The following SMG6 variants were observed in gnomAD, a reference collection of about 807,000 sequenced individuals.
SMG6 encodes telomerase-binding protein EST1A.
SMG6 carries 66 observed loss-of-function variants against 142.2 expected under a neutral mutation model. The observed-to-expected ratio is 0.46, with a 90% CI of 0.38 to 0.57. The LOEUF (loss-of-function observed/expected upper bound fraction) is 0.57. Ranked by LOEUF, SMG6 falls within the 20% of genes least tolerant of loss-of-function variation. The pLI, the probability that SMG6 is intolerant of heterozygous loss-of-function variation, is 0.00. For missense variants in SMG6, 1,793 were observed against 1,832.0 expected (o/e 0.98, Z 0.39); for synonymous variants, 779 against 702.4 (o/e 1.11, Z -1.72).
Position 2,085,464 on chromosome 17 carries a change from C to T in SMG6, c.3534+261G>A, listed in dbSNP as rs2151435796. Among the ~76,000 whole-genome samples the T allele has an allele frequency of 6.6e-6, 1 of 152,332 alleles. No individual in the cohort carries two copies. Among genetic ancestry groups the T allele is most frequent in the South Asian group, 2.1e-4 (1 of 4,830 alleles). Reference sequence around the variant, plus strand: ...GCCTCGAGAGCTGCACATTATTCAACTCCTTTCTTTCTTTTCCTCCCTTCT... The same window carrying T: ...GCCTCGAGAGCTGCACATTATTCAATTCCTTTCTTTCTTTTCCTCCCTTCT... On this transcript the variant is annotated intron_variant, in intron 14 of 18. Coordinates refer to ENST00000263073, the MANE Select transcript of SMG6 (RefSeq NM_017575.5). This position sits in a 1 kb window ranked among gnomAD's most constrained non-coding sequence, Gnocchi z 4.1.
Position 2,068,661 on chromosome 17 carries a change from T to A in SMG6, c.3835+117A>T. ...CACGCGTTCCCTACTCCCCTGCAAATCCCATCTTACACACGCACAGCAGGG... is the reference window on the plus strand; with the variant it reads ...CACGCGTTCCCTACTCCCCTGCAAAACCCATCTTACACACGCACAGCAGGG... On this transcript the variant is annotated intron_variant, in intron 16 of 18. Transcript: ENST00000263073. This position sits in a 1 kb window ranked among gnomAD's most constrained non-coding sequence, Gnocchi z 6.7. 1 of 1,072,666 alleles carries A rather than the reference T, an allele frequency of 9.3e-7. No individual in the cohort carries two copies. The highest frequency in any genetic ancestry group is 1.3e-6 in the Non-Finnish European group (1 of 752,406). 66.4% of individuals were successfully genotyped at this position (1,072,666 alleles called of 1,614,324 possible).
intron 13 of SMG6, chr17:2,087,551 C>G (rs530011076): frequency 9.8e-7 from 1 of 1,019,662 alleles, no homozygotes; most frequent in East Asian, 9.0e-5. Context: ...AGAAGGTTCT[C>G]GGCTACCCAG....
intron 13 of SMG6, among the ~76,000 whole-genome samples, chr17:2,129,324 A>T (rs543081050): frequency 9.3e-4 from 142 of 152,240 alleles, no homozygotes; most frequent in African/African-American, 1.7e-3. Flanking sequence ...AACCTATTTT[A>T]AAAAAATTAT....
At chr17:2,249,162 G>A (rs2073993253) in intron 8 of SMG6, among the ~76,000 whole-genome samples, 1 of 151,856 alleles carries the variant, frequency 6.6e-6, no homozygotes. Context: ...CAAAGTGCTG[G>A]GATTACAGGC....
intron 8 of SMG6, among the ~76,000 whole-genome samples, chr17:2,254,629 T>G (rs2074123250): frequency 6.6e-6 from 1 of 152,076 alleles, no homozygotes; most frequent in Non-Finnish European, 1.5e-5. Context: ...GATACCGTGC[T>G]CGGCCATCAA....
intron 10 of SMG6, among the ~76,000 whole-genome samples, chr17:2,234,275 T>C (rs1031177820): frequency 3.3e-5 from 5 of 152,248 alleles, no homozygotes; most frequent in African/African-American, 1.2e-4. Context: ...ATTATTATTA[T>C]TTTTTGAGAT....
chr17:2,091,843 TG>T (rs35653224), intron 13 of SMG6, among the ~76,000 whole-genome samples: 83,527 of 149,904 alleles, frequency 0.56, 23,560 homozygotes, highest in Admixed American at 0.64. Context: ...GCTAATTTTG[TG>T]TGTGTGTGTG....
intron 10 of SMG6, among the ~76,000 whole-genome samples, chr17:2,194,005 G>T (rs1158221897): frequency 2.0e-5 from 3 of 152,160 alleles, no homozygotes; most frequent in African/African-American, 7.2e-5. Flanking sequence ...TGGTCAGGCT[G>T]GTCTCGAACT....
intron 13 of SMG6, among the ~76,000 whole-genome samples, chr17:2,104,004 T>C (rs935062910): frequency 6.7e-6 from 1 of 148,690 alleles, no homozygotes; most frequent in Non-Finnish European, 1.5e-5. Context: ...CAGGCAGGAG[T>C]GTAATGGCAC....
At chr17:2,089,368 G>A (rs1425864458) in intron 13 of SMG6, among the ~76,000 whole-genome samples, 1 of 152,122 alleles carries the variant, frequency 6.6e-6, no homozygotes, top group African/African-American at 2.4e-5. Context: ...ACACCCTGGG[G>A]AGCCTACGGA....
intron 8 of SMG6, among the ~76,000 whole-genome samples, chr17:2,273,255 C>G (rs2074577487): frequency 6.6e-6 from 1 of 152,178 alleles, no homozygotes; most frequent in South Asian, 2.1e-4. Context: ...GTGGCTCATG[C>G]CTGTAATCCC....
intron 15 of SMG6, among the ~76,000 whole-genome samples, chr17:2,080,300 T>A (rs1319091089): frequency 6.7e-6 from 1 of 150,316 alleles, no homozygotes. Flanking sequence ...CATCTGTAAT[T>A]CCAGCTACTC....
intron 15 of SMG6, among the ~76,000 whole-genome samples, chr17:2,069,137 G>C (rs1262054627): frequency 1.3e-5 from 2 of 152,174 alleles, no homozygotes; most frequent in African/African-American, 4.8e-5. Flanking sequence ...GGGGCCCAGG[G>C]AATGGCATGG....
chr17:2,094,912 G>C (rs1259661730), intron 13 of SMG6: 1 of 152,094 alleles, frequency 6.6e-6, no homozygotes, highest in Non-Finnish European at 1.5e-5. Context: ...TAGAGCTCTC[G>C]GCTCCGGCTG....
chr17:2,244,733 A>G lies in SMG6; in HGVS notation c.2662-14T>C, dbSNP rs773795204. The stretch of plus-strand genomic sequence containing the variant: ...CCTTTTGTTCAGCTGCATGGGAAAA[A>G]GGGAGAGGAGAAAACAATTAAACTT... On this transcript the variant is annotated splice_polypyrimidine_tract_variant and intron_variant, in intron 8 of 18. Coordinates refer to ENST00000263073, the MANE Select transcript of SMG6 (RefSeq NM_017575.5). 20 of 1,603,806 alleles carry G rather than the reference A, an allele frequency of 1.2e-5. No homozygotes were observed. In the Admixed American group the frequency reaches 2.8e-4, roughly 23 times the overall value.
chr17:2,106,067 A>T (rs919331584), intron 13 of SMG6, among the ~76,000 whole-genome samples: 3 of 152,178 alleles, frequency 2.0e-5, no homozygotes, highest in African/African-American at 2.4e-5. Flanking sequence ...GCAACGCTTG[A>T]TCTTGGAGAA....
intron 13 of SMG6, among the ~76,000 whole-genome samples, chr17:2,108,295 C>T (rs568737857): frequency 6.6e-6 from 1 of 152,186 alleles, no homozygotes; most frequent in Non-Finnish European, 1.5e-5. Context: ...CCAGCGTCCA[C>T]TATGAAAACA....
intron 8 of SMG6, among the ~76,000 whole-genome samples, chr17:2,255,137 G>C (rs2074136790): frequency 6.6e-6 from 1 of 151,658 alleles, no homozygotes; most frequent in Non-Finnish European, 1.5e-5. Flanking sequence ...GGGCGCGGTG[G>C]CTCACACCTG....
rs755197703 is a variant in SMG6 at position 2,081,798 on chromosome 17, G to C, written c.3681+12C>G. 3.1e-6 allele frequency: 5 copies of C among 1,612,244 alleles called. No individual in the cohort carries two copies. The highest frequency in any genetic ancestry group is 4.2e-6 in the Non-Finnish European group (5 of 1,180,012). On this transcript the variant is annotated intron_variant, in intron 15 of 18. Coordinates refer to ENST00000263073, the MANE Select transcript of SMG6 (RefSeq NM_017575.5). The stretch of plus-strand genomic sequence containing the variant: ...CCCATAGTGGGAACCACGCTCCCCA[G>C]GCCGACTTCACCTGGATCTTTTCCT...
Sources: allele counts gnomAD v4.1 joint callset (sites outside exome capture counted in the v4.1 genomes callset), GRCh38; gene constraint gnomAD v4.1.1; non-coding constraint Gnocchi (gnomAD v3.1); transcripts MANE v1.5; gene names NCBI Gene and HGNC (gene_info 2026-07-23, HGNC 2026-07-21).